The following SH3PXD2A variants were observed in gnomAD, a reference collection of about 807,000 sequenced individuals.
The protein encoded by SH3PXD2A is SH3 and PX domain-containing protein 2A.
Under a neutral mutation model 115.2 loss-of-function variants are expected in SH3PXD2A, and 32 were observed. The observed-to-expected ratio is 0.28, with a 90% confidence interval of 0.21 to 0.37. The LOEUF (loss-of-function observed/expected upper bound fraction) is 0.37, where lower values mean the gene tolerates loss of function less well. Ranked by LOEUF, SH3PXD2A falls within the 10% of genes least tolerant of loss-of-function variation. The pLI, the probability that SH3PXD2A is intolerant of heterozygous loss-of-function variation, is 1.00. For synonymous variants in SH3PXD2A, 610 were observed against 629.1 expected, an observed-to-expected ratio of 0.97 and a Z score of 0.45; for missense variants, 1,328 against 1,498.7, an observed-to-expected ratio of 0.89 and a Z score of 1.88.
intron 5 of SH3PXD2A, among the ~76,000 whole-genome samples, chr10:103,723,465 T>A (rs1451180377): frequency 1.3e-5 from 2 of 152,202 alleles, no homozygotes; most frequent in Non-Finnish European, 2.9e-5. Flanking sequence ...GCCATCTGGA[T>A]GGAGTCGGGT....
chr10:103,819,046 C>G (rs1228703891), intron 1 of SH3PXD2A, among the ~76,000 whole-genome samples: 1 of 152,206 alleles, frequency 6.6e-6, no homozygotes. Context: ...CGTCTAATGA[C>G]TTGGTAGATC....
At chr10:103,662,548 C>T (rs942983980) in intron 7 of SH3PXD2A, among the ~76,000 whole-genome samples, 10 of 150,720 alleles carry the variant, frequency 6.6e-5, no homozygotes, top group African/African-American at 1.2e-4. Flanking sequence ...TACAGGCGCC[C>T]GCCACCGCGC....
At chr10:103,730,393 C>G (rs1374814950) in intron 4 of SH3PXD2A, among the ~76,000 whole-genome samples, 1 of 152,074 alleles carries the variant, frequency 6.6e-6, no homozygotes, top group Non-Finnish European at 1.5e-5. Flanking sequence ...CATCCTGCCC[C>G]TCTGGCCTCC....
In SH3PXD2A at chr10:103,599,186, T is replaced by C. The variant is rs1423014080; in HGVS notation, c.*2630A>G. On this transcript the variant is annotated 3_prime_UTR_variant, in exon 15 of 15. Coordinates refer to ENST00000369774, the MANE Select transcript of SH3PXD2A (RefSeq NM_001394015.1). ...GCCGCAGTAACAGGAAGGGATGGGA[T>C]AGAGACCTCTGAGGTCTCTTTCAGT... 6.6e-6 allele frequency: 1 copy of C among 150,752 alleles called. No individual in the cohort carries two copies. 9.3% of individuals were successfully genotyped at this position (150,752 alleles called of 1,614,324 possible). A position where few individuals can be genotyped will look rare whatever the true frequency, so the allele number is the denominator to read the frequency against.
intron 5 of SH3PXD2A, among the ~76,000 whole-genome samples, chr10:103,719,882 G>T (rs1248687058): frequency 6.6e-6 from 1 of 151,954 alleles, no homozygotes; most frequent in Non-Finnish European, 1.5e-5. Context: ...ACCACGCCTG[G>T]CTAATTTTTG....
At chr10:103,766,889 G>A (rs866855346) in intron 3 of SH3PXD2A, among the ~76,000 whole-genome samples, 2 of 152,210 alleles carry the variant, frequency 1.3e-5, no homozygotes, top group Admixed American at 6.5e-5. Context: ...CAGCAGAGAC[G>A]GTCTTGTAAT....
chr10:103,762,303 C>A (rs115005313), intron 3 of SH3PXD2A, among the ~76,000 whole-genome samples: 3 of 152,122 alleles, frequency 2.0e-5, no homozygotes, highest in Admixed American at 6.6e-5. Flanking sequence ...GCTGGCATTG[C>A]GGGTGTGAGC....
intron 8 of SH3PXD2A, among the ~76,000 whole-genome samples, chr10:103,649,323 A>C (rs1810493203): frequency 6.6e-6 from 1 of 152,172 alleles, no homozygotes; most frequent in African/African-American, 2.4e-5. Context: ...CAGAGAGGTG[A>C]AGTGGCTTGC....
chr10:103,643,187 G>A (rs2036980062), intron 8 of SH3PXD2A, among the ~76,000 whole-genome samples: 1 of 152,182 alleles, frequency 6.6e-6, no homozygotes, highest in Non-Finnish European at 1.5e-5. Context: ...GAATGCCGAT[G>A]CTTTTCCAGG....
chr10:103,729,041 C>T (rs908156383), intron 4 of SH3PXD2A, among the ~76,000 whole-genome samples: 1 of 152,012 alleles, frequency 6.6e-6, no homozygotes, highest in African/African-American at 2.4e-5. Context: ...TTTACAGGCA[C>T]GTGCCACCAC....
intron 3 of SH3PXD2A, among the ~76,000 whole-genome samples, chr10:103,750,986 A>T (rs2067560): frequency 7.9e-5 from 12 of 152,130 alleles, no homozygotes; most frequent in African/African-American, 2.9e-4. Flanking sequence ...GCAGAACACC[A>T]CAGCGGGAAA....
intron 6 of SH3PXD2A, among the ~76,000 whole-genome samples, chr10:103,676,735 G>T (rs1181213203): frequency 6.6e-6 from 1 of 152,112 alleles, no homozygotes; most frequent in Non-Finnish European, 1.5e-5. Context: ...CAGCCCCTTG[G>T]GTTGCGGCCT....
rs1180710324 is a variant in SH3PXD2A at position 103,595,183 on chromosome 10, C to T, written c.*6633G>A. On this transcript the variant is annotated 3_prime_UTR_variant, in exon 15 of 15. Transcript: ENST00000369774. ...ACCATTCATTGAGAACTGATGGGGACCCAGCGTGTGGCCCAATGAGTGGCA... is the reference window on the plus strand; with the variant it reads ...ACCATTCATTGAGAACTGATGGGGATCCAGCGTGTGGCCCAATGAGTGGCA... 1 of 152,186 alleles carries T rather than the reference C, an allele frequency of 6.6e-6. No individual in the cohort carries two copies. The highest frequency in any genetic ancestry group is 2.4e-5 in the African/African-American group (1 of 41,436). 9.4% of individuals were successfully genotyped at this position (152,186 alleles called of 1,614,324 possible).
In SH3PXD2A at chr10:103,730,970, G is replaced by A. The variant is rs542410402; in HGVS notation, c.306+4762C>T. Among the ~76,000 whole-genome samples the A allele has an allele frequency of 9.8e-5, 15 of 152,306 alleles. No homozygotes were observed. In the South Asian group the frequency reaches 2.7e-3, roughly 27 times the overall value. On this transcript the variant is annotated intron_variant, in intron 4 of 14. Coordinates refer to ENST00000369774, the MANE Select transcript of SH3PXD2A (RefSeq NM_001394015.1). ...GAATGTGCACCCAGGCAGGGGACCAGCACAGGCTCAGGGGCGGAGGCCTGG... is the reference window on the plus strand; with the variant it reads ...GAATGTGCACCCAGGCAGGGGACCAACACAGGCTCAGGGGCGGAGGCCTGG...
chr10:103,643,840 G>A (rs375746428), intron 8 of SH3PXD2A, among the ~76,000 whole-genome samples: 4 of 152,128 alleles, frequency 2.6e-5, no homozygotes, highest in African/African-American at 4.8e-5. Context: ...GGCCAGGCGC[G>A]GTGGCTCACG....
intron 1 of SH3PXD2A, among the ~76,000 whole-genome samples, chr10:103,807,739 C>A (rs1258698877): frequency 6.6e-6 from 1 of 152,196 alleles, no homozygotes; most frequent in Non-Finnish European, 1.5e-5. Flanking sequence ...TGAGGTCATA[C>A]GATCTCTTCA....
intron 8 of SH3PXD2A, among the ~76,000 whole-genome samples, chr10:103,644,114 C>CAAAAAAAAAAAAA (rs71019685): frequency 1.4e-5 from 1 of 72,270 alleles, no homozygotes; most frequent in Non-Finnish European, 2.4e-5. Flanking sequence ...GGCTCCATCC[C>CAAAAAAAAAAAAA]AAAAAAAAAA....
chr10:103,655,771 T>TAAAAAAAAAAAAAAAAAA, intron 8 of SH3PXD2A, among the ~76,000 whole-genome samples: 1 of 46,188 alleles, frequency 2.2e-5, no homozygotes, highest in Non-Finnish European at 4.0e-5. Context: ...AGACCCTGTC[T>TAAAAAAAAAAAAAAAAAA]AAAAAAAAAA....
At chr10:103,787,417 C>T (rs1197323949) in intron 2 of SH3PXD2A, among the ~76,000 whole-genome samples, 1 of 152,246 alleles carries the variant, frequency 6.6e-6, no homozygotes, top group Non-Finnish European at 1.5e-5. Flanking sequence ...TTTCTTAAAA[C>T]ATTGGCACTT....
Sources: gnomAD v4.1 joint callset for allele counts (sites outside exome capture counted in the v4.1 genomes callset) on GRCh38, gnomAD v4.1.1 for gene constraint, MANE v1.5 for transcripts, NCBI Gene and HGNC (gene_info 2026-07-23, HGNC 2026-07-21) for gene names.